PDE8A: variants seen among roughly 807,000 people sequenced by gnomAD.
PDE8A encodes high affinity cAMP-specific and IBMX-insensitive 3',5'-cyclic phosphodiesterase 8A.
PDE8A carries 59 observed loss-of-function variants against 105.0 expected under a neutral mutation model. The ratio of observed to expected loss-of-function variants is 0.56; its 90% CI spans 0.46 to 0.70. The LOEUF (loss-of-function observed/expected upper bound fraction) is 0.70, where lower values mean the gene tolerates loss of function less well. PDE8A is among the 30% of genes least tolerant of loss of function. The pLI is 0.00. For missense variants in PDE8A, 1,014 were observed against 1,045.9 expected (o/e 0.97, Z 0.42); for synonymous variants, 355 against 371.9 (o/e 0.95, Z 0.52).
chr15:84,993,244 C>T (rs940931805), intron 1 of PDE8A, among the ~76,000 whole-genome samples: 16 of 150,790 alleles, frequency 1.1e-4, no homozygotes, highest in East Asian at 4.0e-4. Context: ...GAGATCAAGA[C>T]CATCCTGGCT....
chr15:84,995,895 A>G (rs1234910956), intron 1 of PDE8A, among the ~76,000 whole-genome samples: 2 of 152,168 alleles, frequency 1.3e-5, no homozygotes, highest in Non-Finnish European at 1.5e-5. Context: ...GCATTCATCA[A>G]TCTGACTGTG....
intron 1 of PDE8A, among the ~76,000 whole-genome samples, chr15:85,055,216 A>G (rs997558408): frequency 2.6e-5 from 4 of 152,122 alleles, no homozygotes; most frequent in South Asian, 2.1e-4. Context: ...TTTGCTGAGG[A>G]GTGCTTTACT....
intron 1 of PDE8A, among the ~76,000 whole-genome samples, chr15:85,040,642 G>T (rs1215334977): frequency 6.7e-6 from 1 of 148,460 alleles, no homozygotes; most frequent in Non-Finnish European, 1.5e-5. Context: ...CTCACTGCAA[G>T]CTCTGCCTCC....
At chr15:85,068,830 CTTGTA>C (rs1046613675) in intron 3 of PDE8A, among the ~76,000 whole-genome samples, 44 of 152,226 alleles carry the variant, frequency 2.9e-4, no homozygotes, top group African/African-American at 1.0e-3. Context: ...ACTAGAGCAT[CTTGTA>C]TTGTAAAAGA....
At chr15:85,133,097 C>A (rs2082351953) in intron 20 of PDE8A, among the ~76,000 whole-genome samples, 2 of 152,172 alleles carry the variant, frequency 1.3e-5, no homozygotes, top group Admixed American at 1.3e-4. Context: ...AAAGTTTTCT[C>A]AAACATTTTC....
rs1183334042 is a variant in PDE8A, at chr15:85,038,167, T to C, written c.187-26203T>C. 3.3e-5 allele frequency among the ~76,000 whole-genome samples: 5 copies of C among 152,256 alleles called. No homozygotes were observed. In the East Asian group the frequency reaches 9.6e-4, roughly 29 times the overall value. ...AGAAGATTGAGTTATCCTTCTTAGC[T>C]CTTGCGTATTAGTGTCATCTAACTC... On this transcript the variant is annotated intron_variant, in intron 1 of 21. Coordinates refer to ENST00000394553, the MANE Select transcript of PDE8A (RefSeq NM_002605.3).
intron 1 of PDE8A, among the ~76,000 whole-genome samples, chr15:85,057,346 G>T (rs2081077831): frequency 6.6e-6 from 1 of 152,202 alleles, no homozygotes; most frequent in African/African-American, 2.4e-5. Flanking sequence ...CTGTCAGACA[G>T]GGACGTTTAA....
intron 9 of PDE8A, chr15:85,099,757 A>G (rs965279338): frequency 1.7e-5 from 8 of 469,088 alleles, no homozygotes; most frequent in Non-Finnish European, 2.6e-5. Flanking sequence ...ATTTTAAAAA[A>G]TATGTATATT....
intron 20 of PDE8A, among the ~76,000 whole-genome samples, chr15:85,128,947 A>G (rs1233036258): frequency 6.6e-6 from 1 of 152,194 alleles, no homozygotes; most frequent in African/African-American, 2.4e-5. Context: ...AGAATGCTAC[A>G]GTCACTTTGG....
chr15:85,107,890 C>T (rs1453404704), intron 11 of PDE8A, among the ~76,000 whole-genome samples: 1 of 152,062 alleles, frequency 6.6e-6, no homozygotes, highest in Non-Finnish European at 1.5e-5. Flanking sequence ...AGGATAGAAC[C>T]TTTTGAAAAA....
chr15:85,005,994 G>A (rs1242695789), intron 1 of PDE8A, among the ~76,000 whole-genome samples: 3 of 151,962 alleles, frequency 2.0e-5, no homozygotes, highest in Non-Finnish European at 4.4e-5. Context: ...CACCAAATAC[G>A]AAAACAGTTG....
chr15:85,137,907 G>T lies in PDE8A; in HGVS notation c.*4G>T. The T allele has an allele frequency of 4.5e-6, 7 of 1,545,004 alleles. No individual in the cohort carries two copies. The highest frequency in any genetic ancestry group is 1.1e-5 in the South Asian group (1 of 89,614). The stretch of plus-strand genomic sequence containing the variant: ...CCTCCGACCACCTCCTGAATAGTGG[G>T]AGACACCACCCAGAGCCCTGAAGCT... On this transcript the variant is annotated 3_prime_UTR_variant, in exon 22 of 22. Transcript: ENST00000394553.
intron 17 of PDE8A, among the ~76,000 whole-genome samples, chr15:85,118,329 G>C (rs1162086251): frequency 6.6e-6 from 1 of 152,026 alleles, no homozygotes; most frequent in Non-Finnish European, 1.5e-5. Flanking sequence ...AGTCATCCTT[G>C]GTTCTTTCCA....
intron 1 of PDE8A, among the ~76,000 whole-genome samples, chr15:85,007,051 G>C (rs116819211): frequency 3.3e-5 from 5 of 152,308 alleles, no homozygotes; most frequent in African/African-American, 1.2e-4. Flanking sequence ...CTGTACATGG[G>C]TGAAAGATAG....
At chr15:84,993,969 T>C (rs939918685) in intron 1 of PDE8A, among the ~76,000 whole-genome samples, 1 of 152,222 alleles carries the variant, frequency 6.6e-6, no homozygotes, top group Non-Finnish European at 1.5e-5. Context: ...TTTATTTAAA[T>C]GTTGTCCCCT....
intron 11 of PDE8A, among the ~76,000 whole-genome samples, chr15:85,108,592 C>G (rs945455214): frequency 1.3e-5 from 2 of 152,106 alleles, no homozygotes; most frequent in African/African-American, 4.8e-5. Flanking sequence ...TGAAATATAC[C>G]TCAAACAGTG....
At position 85,126,326 on chromosome 15, in the gene PDE8A, G is replaced by A. The variant is rs760886154; in HGVS notation, c.2205G>A (p.Gln735=). Residue 735 remains glutamine (Q), a synonymous_variant, in exon 20 of 22, where the codon CAG becomes CAA. Transcript: ENST00000394553. ...ADVSNPCRPL[Q]YCIEWAARIS... is the part of the protein sequence containing the mutation. ...TGTCCAATCCCTGCCGACCCCTGCAGTACTGCATCGAGTGGGCTGCACGCA... is the reference window on the plus strand; with the variant it reads ...TGTCCAATCCCTGCCGACCCCTGCAATACTGCATCGAGTGGGCTGCACGCA... 3 of 1,610,008 alleles carry A rather than the reference G, an allele frequency of 1.9e-6. No homozygotes were observed. In the East Asian group the frequency reaches 6.7e-5, roughly 36 times the overall value.
intron 1 of PDE8A, among the ~76,000 whole-genome samples, chr15:84,992,887 A>G (rs1055121590): frequency 2.6e-5 from 4 of 152,162 alleles, no homozygotes; most frequent in Admixed American, 1.3e-4. Flanking sequence ...GGAGGTGGAA[A>G]GGAGGGATTT....
At chr15:85,118,530 C>A (rs1175310791) in intron 17 of PDE8A, among the ~76,000 whole-genome samples, 1 of 152,194 alleles carries the variant, frequency 6.6e-6, no homozygotes, top group African/African-American at 2.4e-5. Context: ...CCAATGTGAT[C>A]TTTCTGAAAC....
Sources: gnomAD v4.1 joint callset for allele counts (sites outside exome capture counted in the v4.1 genomes callset) on GRCh38, gnomAD v4.1.1 for gene constraint, MANE v1.5 for transcripts, NCBI Gene and HGNC (gene_info 2026-07-23, HGNC 2026-07-21) for gene names.